Variants in POFUT1 observed in about 807,000 individuals in gnomAD.
POFUT1 encodes the protein protein O-fucosyltransferase 1.
In POFUT1, 16 loss-of-function variants were observed where a neutral mutation model predicts 42.4. That is an observed-to-expected ratio of 0.38 (90% confidence interval 0.26 to 0.57). POFUT1 has a LOEUF of 0.57. Among genes scored for constraint, POFUT1 ranks in the 20% least tolerant of loss-of-function variants. POFUT1 has a pLI of 0.71. For missense variants in POFUT1, 470 were observed against 504.6 expected (o/e 0.93, Z 0.66); for synonymous variants, 206 against 205.4 (o/e 1.00, Z -0.03).
intron 4 of POFUT1, among the ~76,000 whole-genome samples, chr20:32,226,154 AG>A (rs749511654): frequency 2.6e-5 from 4 of 152,100 alleles, no homozygotes; most frequent in Non-Finnish European, 5.9e-5. Context: ...AAGCAAAGTT[AG>A]TTTCTGCTGA....
At chr20:32,226,323 C>T (rs1310058047) in intron 4 of POFUT1, among the ~76,000 whole-genome samples, 1 of 152,090 alleles carries the variant, frequency 6.6e-6, no homozygotes, top group Non-Finnish European at 1.5e-5. Context: ...TACCCTTTAC[C>T]CAATTTCCCC....
intron 3 of POFUT1, among the ~76,000 whole-genome samples, chr20:32,216,312 C>T (rs1359275123): frequency 6.6e-6 from 1 of 152,168 alleles, no homozygotes; most frequent in Non-Finnish European, 1.5e-5. Context: ...AAGCTCTAGT[C>T]CTTGGTTCAA....
At chr20:32,223,595 C>A (rs1237978942) in intron 4 of POFUT1, 3 of 985,306 alleles carry the variant, frequency 3.0e-6, no homozygotes, top group African/African-American at 3.5e-5. Flanking sequence ...TTTGAGGTAG[C>A]ATCTGAAAGA....
At chr20:32,210,223 T>C in intron 2 of POFUT1, 31 bp downstream of exon 2, 3 of 1,613,420 alleles carry the variant, frequency 1.9e-6, no homozygotes, top group Non-Finnish European at 2.5e-6. Context: ...TTGGCCTTTC[T>C]CCGCCCTTTC....
At chr20:32,225,827 C>T (rs1267387000) in intron 4 of POFUT1, among the ~76,000 whole-genome samples, 3 of 152,126 alleles carry the variant, frequency 2.0e-5, no homozygotes, top group African/African-American at 7.2e-5. Flanking sequence ...AAAAAAACAG[C>T]TTTATGATGT....
At chr20:32,227,983 G>A (rs942212433) in intron 4 of POFUT1, among the ~76,000 whole-genome samples, 1 of 152,120 alleles carries the variant, frequency 6.6e-6, no homozygotes, top group Admixed American at 6.6e-5. Flanking sequence ...ACATATAAAA[G>A]GTTGGAATGC....
Position 32,228,391 on chromosome 20 carries a change from C to A in POFUT1, c.671C>A (p.Ala224Asp), listed in dbSNP as rs1473312089. ...WSDEMVKTGE[A>D]QIHAHLVRPY... ...GACGAAATGGTGAAGACGGGAGAGG[C>A]CCAGATTCATGCCCACCTTGTCCGG... is the stretch of plus-strand genomic sequence containing the variant. The change falls in exon 5 of 7, where the codon GCC becomes GAC. Residue 224 changes from alanine to aspartate, a missense_variant. Ala to Asp is a moderately radical substitution (Grantham distance 126, BLOSUM62 -2). Transcript: ENST00000375749. 1 of 1,614,200 alleles carries A rather than the reference C, an allele frequency of 6.2e-7. No individual in the cohort carries two copies. Among genetic ancestry groups the A allele is most frequent in the East Asian group, 2.2e-5 (1 of 44,886 alleles).
At chr20:32,216,182 A>C (rs1436528930) in intron 3 of POFUT1, among the ~76,000 whole-genome samples, 1 of 152,252 alleles carries the variant, frequency 6.6e-6, no homozygotes, top group East Asian at 1.9e-4. Flanking sequence ...GACCTAGCTC[A>C]CAGCCCCAAC....
At chr20:32,211,279 ATTT>A (rs11397120) in intron 2 of POFUT1, among the ~76,000 whole-genome samples, 1 of 147,138 alleles carries the variant, frequency 6.8e-6, no homozygotes, top group Non-Finnish European at 1.5e-5. Flanking sequence ...CGCACTCACT[ATTT>A]TTTTTTTTTT....
Position 32,216,731 on chromosome 20 carries a change from G to C in POFUT1, c.542+10G>C. 6.3e-7 allele frequency: 1 copy of C among 1,581,506 alleles called. No homozygotes were observed. The highest frequency in any genetic ancestry group is 8.7e-7 in the Non-Finnish European group (1 of 1,150,332). On this transcript the variant is annotated intron_variant, in intron 4 of 6. Transcript: ENST00000375749. Reference sequence around the variant, plus strand: ...AACAATGGAGCCAGAGGTACTTGGAGGGGGTAGCGTTTCTGGGTTTAGGGG... The same window carrying C: ...AACAATGGAGCCAGAGGTACTTGGACGGGGTAGCGTTTCTGGGTTTAGGGG...
At chr20:32,217,157 T>G in intron 4 of POFUT1, 1 of 1,534,558 alleles carries the variant, frequency 6.5e-7, no homozygotes, top group Non-Finnish European at 8.7e-7. Flanking sequence ...AGCCCCTGTT[T>G]TTAAAAAATA....
At chr20:32,223,391 G>A (rs560699634) in intron 4 of POFUT1, 26 of 985,370 alleles carry the variant, frequency 2.6e-5, no homozygotes, top group Non-Finnish European at 2.9e-5. Context: ...AGCTGATGTT[G>A]TCCCACTGGG....
intron 3 of POFUT1, among the ~76,000 whole-genome samples, chr20:32,216,347 A>G (rs2047360055): frequency 6.6e-6 from 1 of 152,038 alleles, no homozygotes; most frequent in South Asian, 2.1e-4. Context: ...TTCTCCCCAG[A>G]CCCTCATCAG....
intron 2 of POFUT1, among the ~76,000 whole-genome samples, chr20:32,212,662 C>A (rs1182101394): frequency 6.6e-6 from 1 of 151,790 alleles, no homozygotes; most frequent in Non-Finnish European, 1.5e-5. Flanking sequence ...GCTCACTGCA[C>A]CCTCTGCCTC....
At chr20:32,209,808 G>C (rs1569148416) in intron 1 of POFUT1, among the ~76,000 whole-genome samples, 2 of 152,362 alleles carry the variant, frequency 1.3e-5, no homozygotes, top group East Asian at 3.9e-4. Flanking sequence ...AGCAAGATCA[G>C]AGGCATTGGG....
intron 6 of POFUT1, among the ~76,000 whole-genome samples, chr20:32,231,795 A>C (rs1485943819): frequency 6.6e-6 from 1 of 152,204 alleles, no homozygotes; most frequent in Non-Finnish European, 1.5e-5. Flanking sequence ...TATCATCAGT[A>C]GTAGAAATTG....
chr20:32,222,354 A>G (rs1223831844), intron 4 of POFUT1, among the ~76,000 whole-genome samples: 3 of 152,168 alleles, frequency 2.0e-5, no homozygotes, highest in Non-Finnish European at 2.9e-5. Context: ...GCCATCCAGT[A>G]TTAGCTTTTC....
At chr20:32,231,153 C>A in intron 6 of POFUT1, 92 bp downstream of exon 6, 1 of 1,421,796 alleles carries the variant, frequency 7.0e-7, no homozygotes. Flanking sequence ...CACGGGCTCC[C>A]CTACAAGCCT....
chr20:32,224,445 G>T (rs1037329184), intron 4 of POFUT1, among the ~76,000 whole-genome samples: 1 of 152,144 alleles, frequency 6.6e-6, no homozygotes, highest in Non-Finnish European at 1.5e-5. Flanking sequence ...CGCACAGCTG[G>T]ACCATCAAGG....
Sources: gnomAD v4.1 joint callset for allele counts (sites outside exome capture counted in the v4.1 genomes callset) on GRCh38, gnomAD v4.1.1 for gene constraint, MANE v1.5 for transcripts, NCBI Gene and HGNC (gene_info 2026-07-23, HGNC 2026-07-21) for gene names.